The following CEP250 variants were observed in gnomAD, a reference collection of about 807,000 sequenced individuals.
The protein encoded by CEP250 is centrosomal protein 250.
In CEP250, 242 loss-of-function variants were observed where a neutral mutation model predicts 315.7. The observed-to-expected ratio is 0.77, with a 90% CI of 0.69 to 0.85. The LOEUF (loss-of-function observed/expected upper bound fraction) is 0.85. Ranked by LOEUF, CEP250 falls within the 40% of genes least tolerant of loss-of-function variation. CEP250 has a pLI of 0.00. For missense variants in CEP250, 2,515 were observed against 2,886.4 expected (o/e 0.87, Z 2.95); for synonymous variants, 1,088 against 1,175.0 (o/e 0.93, Z 1.51).
At chr20:35,498,386 C>T (rs2063905415) in intron 26 of CEP250, among the ~76,000 whole-genome samples, 1 of 152,102 alleles carries the variant, frequency 6.6e-6, no homozygotes, top group African/African-American at 2.4e-5. Flanking sequence ...TTATTAAGTG[C>T]GTAATAAGTG....
chr20:35,494,435 C>T (rs1044558382), intron 23 of CEP250, 89 bp from the exon 24 acceptor site: 5 of 1,551,026 alleles, frequency 3.2e-6, no homozygotes, highest in African/African-American at 1.4e-5. Context: ...TATGGTAAAC[C>T]TCGAAGGACC....
At chr20:35,468,549 G>A (rs1456273150) in intron 9 of CEP250, among the ~76,000 whole-genome samples, 1 of 152,130 alleles carries the variant, frequency 6.6e-6, no homozygotes, top group Non-Finnish European at 1.5e-5. Context: ...TACATAAAAT[G>A]CAGGGCTATT....
chr20:35,497,859 A>AAG lies in CEP250; in HGVS notation c.3447_3448insAG (p.Ala1150ArgfsTer15). 6.3e-7 allele frequency: 1 copy of AAG among 1,592,044 alleles called. No individual in the cohort carries two copies. Among genetic ancestry groups the AAG allele is most frequent in the Non-Finnish European group, 8.6e-7 (1 of 1,169,312 alleles). On this transcript the variant is annotated frameshift_variant, in exon 26 of 35. Coordinates refer to ENST00000397527, the MANE Select transcript of CEP250 (RefSeq NM_007186.6). LOFTEE classifies it high-confidence loss of function. Reference sequence around the variant, plus strand: ...CCTTGTGGGCCCAGGAAGCCAAGGCAGCCCAACTACAGCTGCGACTGCGCA... The same window carrying AAG: ...CCTTGTGGGCCCAGGAAGCCAAGGCAAGGCCCAACTACAGCTGCGACTGCGCA...
At position 35,475,482 on chromosome 20, in the gene CEP250, C is replaced by T; in HGVS notation, c.1572-20C>T. On this transcript the variant is annotated intron_variant, in intron 14 of 34. Coordinates refer to ENST00000397527, the MANE Select transcript of CEP250 (RefSeq NM_007186.6). ...CCCATCCCTAAGAGTTCCTCTAGACCCCTCTCTTTCCCATCTTAGTCAGGA... is the reference window on the plus strand; with the variant it reads ...CCCATCCCTAAGAGTTCCTCTAGACTCCTCTCTTTCCCATCTTAGTCAGGA... The T allele has an allele frequency of 1.9e-6, 3 of 1,613,138 alleles. No individual in the cohort carries two copies. The highest frequency in any genetic ancestry group is 2.5e-6 in the Non-Finnish European group (3 of 1,179,520).
chr20:35,479,881 C>T (rs920927784), intron 19 of CEP250, 95 bp from the exon 20 acceptor site: 18 of 1,594,972 alleles, frequency 1.1e-5, no homozygotes, highest in Non-Finnish European at 1.5e-5. Context: ...TGCAGGGCCT[C>T]TGAGATGGGA....
intron 30 of CEP250, among the ~76,000 whole-genome samples, chr20:35,506,923 A>G (rs2064201005): frequency 6.6e-6 from 1 of 152,198 alleles, no homozygotes; most frequent in South Asian, 2.1e-4. Context: ...GCAGGAGGGC[A>G]CTTCCCACCC....
In CEP250 at chr20:35,517,845, A is replaced by T. The variant is rs2064449197; in HGVS notation, c.*6219A>T. The T allele has an allele frequency of 6.6e-6, 1 of 151,766 alleles. No individual in the cohort carries two copies. The highest frequency in any genetic ancestry group is 1.5e-5 in the Non-Finnish European group (1 of 67,984). 9.4% of individuals were successfully genotyped at this position (151,766 alleles called of 1,614,324 possible). A position where few individuals can be genotyped will look rare whatever the true frequency, so the allele number is the denominator to read the frequency against. On this transcript the variant is annotated 3_prime_UTR_variant, in exon 35 of 35. Transcript: ENST00000397527. ...CACTTTGGGAGGCCCAGGCAGGCAG[A>T]TTGCTTGGGCTCAGGAATTCAAGAC...
rs577762612 is a variant in CEP250 at position 35,473,944 on chromosome 20, G to A, written c.1463G>A (p.Arg488His). The A allele has an allele frequency of 4.5e-5, 72 of 1,612,292 alleles. No individual in the cohort carries two copies. The highest frequency in any genetic ancestry group is 2.3e-4 in the South Asian group (21 of 90,880). The change falls in exon 14 of 35, where the codon CGC (arginine) becomes CAC (histidine). Residue 488 changes from arginine to histidine, a missense_variant. Physicochemically the swap from Arg to His is conservative, Grantham distance 29. Transcript: ENST00000397527. ...GAGGTGCTAGAGCAGGAGGCATGGCGCCTGCGAAGGGTAAATGTGGAGCTT... is the reference window on the plus strand; with the variant it reads ...GAGGTGCTAGAGCAGGAGGCATGGCACCTGCGAAGGGTAAATGTGGAGCTT... ...QLEVLEQEAW[R>H]LRRVNVELQL...
chr20:35,475,040 A>G (rs1372464735), intron 14 of CEP250, among the ~76,000 whole-genome samples: 1 of 152,126 alleles, frequency 6.6e-6, no homozygotes, highest in Non-Finnish European at 1.5e-5. Context: ...AACCCCTAAC[A>G]ACAAAAAATT....
chr20:35,504,253 C>G lies in CEP250; in HGVS notation c.5884C>G (p.Arg1962Gly). Residue 1962 changes from arginine to glycine, a missense_variant, in exon 30 of 35, where the codon CGG becomes GGG. Physicochemically the swap from Arg to Gly is moderately radical, Grantham distance 125 (BLOSUM62 -2). Transcript: ENST00000397527. Reference sequence around the variant, plus strand: ...GCATCAGGAGGAGGCTGCCCGGGCCCGGGCTGAGGCTCTGCAGGAGGCCCT... The same window carrying G: ...GCATCAGGAGGAGGCTGCCCGGGCCGGGGCTGAGGCTCTGCAGGAGGCCCT... ...SRHQEEAARA[R>G]AEALQEALGK... 6.3e-7 allele frequency: 1 copy of G among 1,597,732 alleles called. No individual in the cohort carries two copies. The highest frequency in any genetic ancestry group is 1.1e-5 in the South Asian group (1 of 89,274).
At chr20:35,471,765 C>A (rs1295678233) in intron 10 of CEP250, among the ~76,000 whole-genome samples, 1 of 152,148 alleles carries the variant, frequency 6.6e-6, no homozygotes, top group African/African-American at 2.4e-5. Flanking sequence ...GTAATTATTT[C>A]TATTTTAAAG....
chr20:35,504,839 C>T lies in CEP250; in HGVS notation c.6470C>T (p.Ala2157Val). 6.2e-7 allele frequency: 1 copy of T among 1,614,244 alleles called. No individual in the cohort carries two copies. Among genetic ancestry groups the T allele is most frequent in the Non-Finnish European group, 8.5e-7 (1 of 1,180,038 alleles). Residue 2157 changes from alanine to valine, a missense_variant, in exon 30 of 35, where the codon GCA (alanine) becomes GTA (valine). Transcript: ENST00000397527. ...CAGCGGGAGCTGGAGCGGCTACAGG[C>T]AGCCCTGAGACAGACAGAAGCCAGG... ...RLQRELERLQ[A>V]ALRQTEAREI... is the part of the protein sequence containing the mutation.
At chr20:35,491,629 A>G (rs901310002) in intron 22 of CEP250, among the ~76,000 whole-genome samples, 4 of 152,122 alleles carry the variant, frequency 2.6e-5, no homozygotes, top group African/African-American at 9.7e-5. Context: ...TTAGCCGGGC[A>G]TGGTGGCAGG....
rs1440995303 is a variant in CEP250, at chr20:35,497,837, T to G, written c.3425T>G (p.Leu1142Trp). 6.3e-7 allele frequency: 1 copy of G among 1,579,884 alleles called. No homozygotes were observed. Among genetic ancestry groups the G allele is most frequent in the Non-Finnish European group, 8.6e-7 (1 of 1,162,694 alleles). The change falls in exon 26 of 35, where the codon TTG becomes TGG. Residue 1142 changes from leucine (L) to tryptophan (W), a missense_variant. Physicochemically the swap from Leu to Trp is moderately conservative, Grantham distance 61 (BLOSUM62 -2). Coordinates refer to ENST00000397527, the MANE Select transcript of CEP250 (RefSeq NM_007186.6). ...ACGGAGCAGCAGCTGCGAGCCTCCT[T>G]GTGGGCCCAGGAAGCCAAGGCAGCC... ...HITEQQLRAS[L>W]WAQEAKAAQL...
chr20:35,502,443 A>T lies in CEP250; in HGVS notation c.4074A>T (p.Glu1358Asp). 6.2e-7 allele frequency: 1 copy of T among 1,614,108 alleles called. No homozygotes were observed. Among genetic ancestry groups the T allele is most frequent in the Non-Finnish European group, 8.5e-7 (1 of 1,180,000 alleles). ...AGGAGAACCTGACAGCCCAGGTGGA[A>T]CACCTGCAAGCAGCTGTCGTAGAAG... ...AAKENLTAQVEHLQAAVVEAR... is the reference protein window; with the variant it reads ...AAKENLTAQVDHLQAAVVEAR... The change falls in exon 30 of 35, where the codon GAA becomes GAT. Residue 1358 changes from glutamate to aspartate, a missense_variant. Transcript: ENST00000397527.
At position 35,474,062 on chromosome 20, in the gene CEP250, A is replaced by G; in HGVS notation, c.1571+10A>G. ...GGGAGAGGGAGCGTCTGTAAGTGAG[A>G]CTAGTCTCCTCCTCGCTGGGCCCTG... On this transcript the variant is annotated intron_variant, in intron 14 of 34. Transcript: ENST00000397527. 9 of 1,521,478 alleles carry G rather than the reference A, an allele frequency of 5.9e-6. No individual in the cohort carries two copies. Among genetic ancestry groups the G allele is most frequent in the Non-Finnish European group, 7.9e-6 (9 of 1,138,688 alleles). 94.2% of individuals were successfully genotyped at this position (1,521,478 alleles called of 1,614,324 possible). A position where few individuals can be genotyped will look rare whatever the true frequency, so the allele number is the denominator to read the frequency against.
In CEP250 at chr20:35,475,555, T is replaced by C. The variant is rs1286998453; in HGVS notation, c.1625T>C (p.Leu542Pro). The C allele has an allele frequency of 2.5e-6, 4 of 1,614,196 alleles. No homozygotes were observed. Among genetic ancestry groups the C allele is most frequent in the Non-Finnish European group, 3.4e-6 (4 of 1,180,024 alleles). Residue 542 changes from leucine to proline, a missense_variant, in exon 15 of 35, where the codon CTG becomes CCG. Leu to Pro is a moderately conservative substitution (Grantham distance 98, BLOSUM62 -3). Coordinates refer to ENST00000397527, the MANE Select transcript of CEP250 (RefSeq NM_007186.6). ...AAACAGTCAGAATCACTCAGTGAAC[T>C]GATCACTCTTCGGGAAGCCCTGGAG... ...EAKQSESLSE[L>P]ITLREALESS...
At chr20:35,466,888 A>G in intron 7 of CEP250, 78 bp from the exon 8 acceptor site, 2 of 853,224 alleles carry the variant, frequency 2.3e-6, no homozygotes, top group Non-Finnish European at 4.0e-6. Flanking sequence ...CTCAGTAGTC[A>G]GGAGGAATCC....
At chr20:35,507,098 G>A (rs1402341392) in intron 30 of CEP250, among the ~76,000 whole-genome samples, 5 of 152,130 alleles carry the variant, frequency 3.3e-5, no homozygotes, top group East Asian at 1.9e-4. Flanking sequence ...CCTCTAGAGC[G>A]CAGGCTTTCT....
Sources: gnomAD v4.1 joint callset for allele counts (sites outside exome capture counted in the v4.1 genomes callset) on GRCh38, gnomAD v4.1.1 for gene constraint, MANE v1.5 for transcripts, NCBI Gene and HGNC (gene_info 2026-07-23, HGNC 2026-07-21) for gene names.